Variants in PIK3C2G observed in about 807,000 individuals in gnomAD.
PIK3C2G encodes the protein phosphatidylinositol 3-kinase C2 domain-containing subunit gamma.
In PIK3C2G, 168 loss-of-function variants were observed where a neutral mutation model predicts 181.1. The observed-to-expected ratio is 0.93, with a 90% CI of 0.82 to 1.05. The LOEUF is 1.05. Among genes scored for constraint, PIK3C2G ranks in the 50% least tolerant of loss-of-function variants. The pLI, the probability that PIK3C2G is intolerant of heterozygous loss-of-function variation, is 0.00. For synonymous variants in PIK3C2G, 573 were observed against 592.2 expected (o/e 0.97, Z 0.47); for missense variants, 1,869 against 1,732.8 (o/e 1.08, Z -1.40).
Position 18,648,110 on chromosome 12 carries a change from A to G in PIK3C2G, c.*82A>G, listed in dbSNP as rs1490713294. ...GGCCTCTGAATCACATAAGTAAGGCATCTTTGTTGTCAAAGACAGCACAGG... is the reference window on the plus strand; with the variant it reads ...GGCCTCTGAATCACATAAGTAAGGCGTCTTTGTTGTCAAAGACAGCACAGG... On this transcript the variant is annotated 3_prime_UTR_variant, in exon 33 of 33. Transcript: ENST00000538779. 1.2e-6 allele frequency: 1 copy of G among 811,954 alleles called. No homozygotes were observed. The highest frequency in any genetic ancestry group is 2.9e-5 in the East Asian group (1 of 34,668). 50.3% of individuals were successfully genotyped at this position (811,954 alleles called of 1,614,324 possible). A position where few individuals can be genotyped will look rare whatever the true frequency, so the allele number is the denominator to read the frequency against.
Position 18,407,544 on chromosome 12 carries a change from A to G in PIK3C2G, c.2315+7697A>G, listed in dbSNP as rs188435179. Among the ~76,000 whole-genome samples the G allele has an allele frequency of 2.3e-3, 347 of 152,250 alleles. 1 individual carries two copies. Among genetic ancestry groups the G allele is most frequent in the African/African-American group, 8.1e-3 (336 of 41,560 alleles). On this transcript the variant is annotated intron_variant, in intron 16 of 32. Coordinates refer to ENST00000538779, the MANE Select transcript of PIK3C2G (RefSeq NM_001288772.2). ...TAGGCCCTGAAACTAGCAAAAAGAA[A>G]CATGATCTTTATTCATGGTCTTGCA...
At chr12:18,441,722 G>C (rs1431695739) in intron 18 of PIK3C2G, among the ~76,000 whole-genome samples, 1 of 152,062 alleles carries the variant, frequency 6.6e-6, no homozygotes, top group Non-Finnish European at 1.5e-5. Flanking sequence ...ATCACTTATA[G>C]TAATAGAGAA....
chr12:18,463,819 T>C lies in PIK3C2G; in HGVS notation c.2505-24630T>C, dbSNP rs181960708. Among the ~76,000 whole-genome samples the C allele has an allele frequency of 1.8e-4, 28 of 152,234 alleles. No homozygotes were observed. In the East Asian group the frequency reaches 4.8e-3, roughly 26 times the overall value. On this transcript the variant is annotated intron_variant, in intron 18 of 32. Transcript: ENST00000538779. ...CCTCCAAATCCCTCCTCCAAATCCC[T>C]TTATATTATCCATAAATGAGTTTGT...
intron 18 of PIK3C2G, among the ~76,000 whole-genome samples, chr12:18,433,997 T>C (rs779101311): frequency 1.3e-5 from 2 of 152,170 alleles, no homozygotes; most frequent in Non-Finnish European, 2.9e-5. Flanking sequence ...TCCTCATCCA[T>C]TGGTGCTGCA....
intron 29 of PIK3C2G, among the ~76,000 whole-genome samples, chr12:18,588,873 A>C (rs544043808): frequency 6.6e-5 from 10 of 152,304 alleles, no homozygotes; most frequent in African/African-American, 2.4e-4. Flanking sequence ...TGGATGAAGA[A>C]AATATGGCAC....
At chr12:18,697,630 A>G in the PIK3C2G span, among the ~76,000 whole-genome samples, 4 of 152,288 alleles carry the variant, frequency 2.6e-5, no homozygotes, top group East Asian at 7.7e-4. Flanking sequence ...ACCATATGTC[A>G]TCATTCAACT....
chr12:18,379,996 A>G (rs1942728927), intron 13 of PIK3C2G, among the ~76,000 whole-genome samples: 1 of 152,218 alleles, frequency 6.6e-6, no homozygotes, highest in Admixed American at 6.5e-5. Flanking sequence ...CCTGTTAATC[A>G]CATGACGCCA....
rs1172866225 is a variant in PIK3C2G, at chr12:18,282,720, AC to A, written c.642del (p.Gly215GlufsTer11). The A allele has an allele frequency of 1.2e-6, 2 of 1,611,156 alleles. No individual in the cohort carries two copies. Among genetic ancestry groups the A allele is most frequent in the African/African-American group, 1.3e-5 (1 of 74,878 alleles). On this transcript the variant is annotated frameshift_variant, in exon 2 of 33. Transcript: ENST00000538779. LOFTEE classifies it high-confidence loss of function. The stretch of plus-strand genomic sequence containing the variant: ...TGATGCTTTTGAAAGGCTCTCTTCA[AC>A]CCGGAATGTGGGAAAGTACATGGCA... ...SLMLLKGSLQ[P>X]GMWESTWQKN...
intron 31 of PIK3C2G, among the ~76,000 whole-genome samples, chr12:18,624,998 G>C (rs1012445546): frequency 6.6e-6 from 1 of 151,388 alleles, no homozygotes; most frequent in African/African-American, 2.4e-5. Context: ...GAGTTTTGTT[G>C]ATCTTTGTTT....
At chr12:18,715,841 A>G in the PIK3C2G span, 1 of 152,096 alleles carries the variant, frequency 6.6e-6, no homozygotes, top group Non-Finnish European at 1.5e-5. Context: ...GTTTAAGTGC[A>G]CAGTGCTTTA....
intron 30 of PIK3C2G, among the ~76,000 whole-genome samples, chr12:18,602,236 G>C (rs73068391): frequency 0.038 from 5,764 of 152,148 alleles, 115 homozygotes; most frequent in Middle Eastern, 0.071. Flanking sequence ...TGTGGGAGCT[G>C]GGTGAGGCCT....
intron 24 of PIK3C2G, among the ~76,000 whole-genome samples, chr12:18,523,814 T>C (rs1592487042): frequency 6.6e-6 from 1 of 152,216 alleles, no homozygotes; most frequent in Non-Finnish European, 1.5e-5. Context: ...ACCTCTCCAC[T>C]GGTAGGACTG....
intron 5 of PIK3C2G, among the ~76,000 whole-genome samples, chr12:18,302,472 G>T (rs141120753): frequency 6.6e-6 from 1 of 152,276 alleles, no homozygotes; most frequent in African/African-American, 2.4e-5. Context: ...CACAGGAGTA[G>T]AATGTTATGG....
intron 6 of PIK3C2G, among the ~76,000 whole-genome samples, chr12:18,315,841 T>C (rs138942933): frequency 6.6e-6 from 1 of 152,136 alleles, no homozygotes; most frequent in Non-Finnish European, 1.5e-5. Flanking sequence ...TCAAAGGTTT[T>C]GGATGTGTGT....
chr12:18,371,642 A>G (rs1212839453), intron 13 of PIK3C2G, among the ~76,000 whole-genome samples: 1 of 152,186 alleles, frequency 6.6e-6, no homozygotes, highest in Admixed American at 6.5e-5. Context: ...ATTGTCATTT[A>G]GAAAGAATGT....
intron 13 of PIK3C2G, among the ~76,000 whole-genome samples, chr12:18,380,272 C>T (rs1293911942): frequency 3.3e-5 from 5 of 152,102 alleles, no homozygotes; most frequent in Admixed American, 6.6e-5. Flanking sequence ...GCTTTTCTGT[C>T]GTCATGTTCT....
At chr12:18,346,917 T>G in intron 11 of PIK3C2G, 81 bp downstream of exon 11, 1 of 802,650 alleles carries the variant, frequency 1.2e-6, no homozygotes, top group East Asian at 3.0e-5. Context: ...TGTTCTTATA[T>G]GCAGGAGCAA....
chr12:18,555,377 T>G (rs999471452), intron 26 of PIK3C2G, among the ~76,000 whole-genome samples: 1 of 152,100 alleles, frequency 6.6e-6, no homozygotes, highest in Non-Finnish European at 1.5e-5. Context: ...TGAGAAAAAA[T>G]AATCTGCCTA....
At chr12:18,630,541 G>A (rs977805156) in intron 31 of PIK3C2G, among the ~76,000 whole-genome samples, 1 of 151,840 alleles carries the variant, frequency 6.6e-6, no homozygotes, top group Non-Finnish European at 1.5e-5. Context: ...GGGTAGTAGG[G>A]TAGTGAATAA....
Sources: gnomAD v4.1 joint callset for allele counts (sites outside exome capture counted in the v4.1 genomes callset) on GRCh38, gnomAD v4.1.1 for gene constraint, MANE v1.5 for transcripts, NCBI Gene and HGNC (gene_info 2026-07-23, HGNC 2026-07-21) for gene names.